ELMOD1: variants seen among roughly 807,000 people sequenced by gnomAD.
The protein encoded by ELMOD1 is ELMO domain-containing protein 1.
Under a neutral mutation model 46.7 loss-of-function variants are expected in ELMOD1, and 21 were observed. That is an observed-to-expected ratio of 0.45 (90% confidence interval 0.32 to 0.65). The LOEUF (loss-of-function observed/expected upper bound fraction) is 0.65, where lower values mean the gene tolerates loss of function less well. Ranked by LOEUF, ELMOD1 falls within the 30% of genes least tolerant of loss-of-function variation. ELMOD1 has a pLI of 0.04. For missense variants in ELMOD1, 348 were observed against 407.8 expected (o/e 0.85, Z 1.26); for synonymous variants, 122 against 138.2 (o/e 0.88, Z 0.82).
rs1452933983 is a variant in ELMOD1 at position 107,665,652 on chromosome 11, G to A, written c.*455G>A. ...CATGCTTGGACCTCATTCTGATAAA[G>A]TATAAGACTTTAAAATAATACAAAA... is the stretch of plus-strand genomic sequence containing the variant. On this transcript the variant is annotated 3_prime_UTR_variant, in exon 12 of 12. Coordinates refer to ENST00000265840, the MANE Select transcript of ELMOD1 (RefSeq NM_018712.4). 1.3e-5 allele frequency: 2 copies of A among 155,660 alleles called. No individual in the cohort carries two copies. Among genetic ancestry groups the A allele is most frequent in the African/African-American group, 4.8e-5 (2 of 41,432 alleles). The allele number at this position is 155,660 out of a possible 1,614,324, so 9.6% of individuals were successfully genotyped here. A position where few individuals can be genotyped will look rare whatever the true frequency, so the allele number is the denominator to read the frequency against.
intron 2 of ELMOD1, among the ~76,000 whole-genome samples, chr11:107,622,432 C>T (rs550418091): frequency 3.6e-4 from 55 of 152,264 alleles, no homozygotes; most frequent in African/African-American, 1.3e-3. Context: ...CATTTTCACC[C>T]CGACTTAAAG....
At chr11:107,653,591 GC>G (rs1251447740) in intron 9 of ELMOD1, 2 of 97,938 alleles carry the variant, frequency 2.0e-5, no homozygotes, top group East Asian at 2.8e-4. Flanking sequence ...TTCATTCCTT[GC>G]TTCCCCCCCT....
chr11:107,646,003 A>C (rs1866421125), intron 6 of ELMOD1, among the ~76,000 whole-genome samples: 2 of 152,230 alleles, frequency 1.3e-5, no homozygotes, highest in African/African-American at 2.4e-5. Context: ...TAGAATAAGC[A>C]ATTTAGAAAT....
intron 5 of ELMOD1, among the ~76,000 whole-genome samples, chr11:107,632,357 T>C (rs1209336258): frequency 2.6e-5 from 4 of 152,232 alleles, no homozygotes; most frequent in East Asian, 1.9e-4. Context: ...TTTAGGTTGG[T>C]AACAATCAAA....
In ELMOD1 at chr11:107,664,988, T is replaced by G. The variant is rs1866816047; in HGVS notation, c.833-37T>G. On this transcript the variant is annotated intron_variant, in intron 11 of 11. Coordinates refer to ENST00000265840, the MANE Select transcript of ELMOD1 (RefSeq NM_018712.4). ...TTTGAATGTGATTAAGGATTTTTTT[T>G]TCTCCTGCATTCTTATCATTGTATT... 5 of 1,563,578 alleles carry G rather than the reference T, an allele frequency of 3.2e-6. 1 individual carries two copies. The South Asian group carries it at 4.8e-5, about 15-fold the overall frequency.
Position 107,631,619 on chromosome 11 carries a change from G to C in ELMOD1, c.232G>C (p.Glu78Gln). ...TSVSVHPDAI[E>Q]KTIEDIMELK... ...TGTGAGTGTTCACCCCGACGCTATT[G>C]AAAAAACTATAGAAGATATCATGGA... The change falls in exon 5 of 12, where the codon GAA (glutamate) becomes CAA (glutamine). Residue 78 changes from glutamate to glutamine, a missense_variant. Physicochemically the swap from Glu to Gln is conservative, Grantham distance 29. Transcript: ENST00000265840. The C allele has an allele frequency of 6.4e-7, 1 of 1,565,668 alleles. No homozygotes were observed. Among genetic ancestry groups the C allele is most frequent in the Non-Finnish European group, 8.7e-7 (1 of 1,154,414 alleles).
intron 9 of ELMOD1, 138 bp from the exon 10 acceptor site, chr11:107,654,034 G>A: frequency 1.4e-6 from 1 of 712,636 alleles, no homozygotes; most frequent in South Asian, 1.8e-5. Flanking sequence ...AAATTGTACT[G>A]TGGCTTAACA....
intron 5 of ELMOD1, among the ~76,000 whole-genome samples, chr11:107,632,744 G>T (rs2135690721): frequency 6.6e-6 from 1 of 152,290 alleles, no homozygotes; most frequent in East Asian, 1.9e-4. Context: ...ACTACAACTG[G>T]CAAGAGGGAT....
chr11:107,636,524 A>G (rs1197042984), intron 6 of ELMOD1, among the ~76,000 whole-genome samples: 4 of 152,244 alleles, frequency 2.6e-5, no homozygotes, highest in Admixed American at 6.5e-5. Flanking sequence ...GCTTTAGGGT[A>G]TCTCCCTGCC....
chr11:107,640,147 G>A (rs1456216020), intron 6 of ELMOD1, among the ~76,000 whole-genome samples: 1 of 152,078 alleles, frequency 6.6e-6, no homozygotes, highest in Non-Finnish European at 1.5e-5. Context: ...GGGATTACAG[G>A]CATGAGCCAC....
chr11:107,592,074 G>T (rs1014046339), intron 1 of ELMOD1: 3 of 434,222 alleles, frequency 6.9e-6, no homozygotes, highest in African/African-American at 2.0e-5. Context: ...GCAGTGGAGT[G>T]TGGTGGTGGG....
intron 2 of ELMOD1, among the ~76,000 whole-genome samples, chr11:107,624,325 T>C (rs536428903): frequency 6.6e-6 from 1 of 152,302 alleles, no homozygotes; most frequent in South Asian, 2.1e-4. Context: ...AAAAGTATTA[T>C]CCAAAGAGTA....
intron 1 of ELMOD1, among the ~76,000 whole-genome samples, chr11:107,607,532 C>G (rs1394194024): frequency 6.6e-6 from 1 of 152,110 alleles, no homozygotes; most frequent in East Asian, 1.9e-4. Context: ...GTGGCATGCA[C>G]TTGTAGTCCC....
intron 2 of ELMOD1, among the ~76,000 whole-genome samples, chr11:107,620,682 A>T (rs1340619296): frequency 2.0e-5 from 3 of 152,226 alleles, no homozygotes; most frequent in African/African-American, 7.2e-5. Context: ...CCTGGCCAAC[A>T]TGGTGAAACC....
chr11:107,599,462 C>T (rs2135647922), intron 1 of ELMOD1, among the ~76,000 whole-genome samples: 1 of 152,124 alleles, frequency 6.6e-6, no homozygotes, highest in Non-Finnish European at 1.5e-5. Flanking sequence ...GGTGCTTCTG[C>T]CAGGTGCGGT....
chr11:107,601,769 A>G (rs1378723379), intron 1 of ELMOD1, among the ~76,000 whole-genome samples: 3 of 151,920 alleles, frequency 2.0e-5, no homozygotes, highest in Non-Finnish European at 4.4e-5. Flanking sequence ...AATATCCCAA[A>G]TTTATCCCCA....
At chr11:107,608,322 T>C (rs2135662831) in intron 1 of ELMOD1, among the ~76,000 whole-genome samples, 1 of 151,716 alleles carries the variant, frequency 6.6e-6, no homozygotes, top group East Asian at 2.0e-4. Context: ...ATTTGAAATA[T>C]TTTACCAGCC....
In ELMOD1 at chr11:107,636,199, A is replaced by G. The variant is rs886247321; in HGVS notation, c.420+434A>G. On this transcript the variant is annotated intron_variant, in intron 6 of 11. Transcript: ENST00000265840. The stretch of plus-strand genomic sequence containing the variant: ...TGGCCCTCTTGGGAAATTACCCAAG[A>G]TCTTAATGCTGATTATTTATGCATG... Among the ~76,000 whole-genome samples the G allele has an allele frequency of 2.0e-5, 3 of 152,350 alleles. No individual in the cohort carries two copies. The East Asian group carries it at 5.8e-4, about 29-fold the overall frequency.
At chr11:107,626,642 CTCTCTT>C (rs1866047801) in intron 2 of ELMOD1, among the ~76,000 whole-genome samples, 1 of 138,756 alleles carries the variant, frequency 7.2e-6, no homozygotes, top group South Asian at 2.2e-4. Flanking sequence ...TTCTTTCCCT[CTCTCTT>C]TCTTTCTTTT....
Sources: gnomAD v4.1 joint callset for allele counts (sites outside exome capture counted in the v4.1 genomes callset) on GRCh38, gnomAD v4.1.1 for gene constraint, MANE v1.5 for transcripts, NCBI Gene and HGNC (gene_info 2026-07-23, HGNC 2026-07-21) for gene names.